COL5A2: variants seen among roughly 807,000 people sequenced by gnomAD.
The protein encoded by COL5A2 is collagen alpha-2(V) chain.
In COL5A2, 23 loss-of-function variants were observed where a neutral mutation model predicts 208.2. The ratio of observed to expected loss-of-function variants is 0.11; its 90% confidence interval spans 0.08 to 0.16. The LOEUF (loss-of-function observed/expected upper bound fraction) is 0.16. Ranked by LOEUF, COL5A2 falls within the 10% of genes least tolerant of loss-of-function variation. The pLI is 1.00. For synonymous variants in COL5A2, 625 were observed against 628.5 expected (o/e 0.99, Z 0.08); for missense variants, 1,590 against 1,956.4 (o/e 0.81, Z 3.53).
At chr2:189,110,840 G>T (rs1687245964) in intron 1 of COL5A2, among the ~76,000 whole-genome samples, 1 of 151,974 alleles carries the variant, frequency 6.6e-6, no homozygotes, top group African/African-American at 2.4e-5. Flanking sequence ...TTGAATGTTT[G>T]GTGAACCCTA....
chr2:189,395,444 A>C, the COL5A2 span, among the ~76,000 whole-genome samples: 1 of 152,216 alleles, frequency 6.6e-6, no homozygotes, highest in African/African-American at 2.4e-5. Flanking sequence ...ACAAGCTTCA[A>C]TAAGTTCCAT....
chr2:189,063,115 A>G (rs2105590590), intron 27 of COL5A2, 52 bp from the exon 28 acceptor site: 1 of 1,610,616 alleles, frequency 6.2e-7, no homozygotes, highest in South Asian at 1.1e-5. Flanking sequence ...TCAAAAACAT[A>G]CCTCCTCCAA....
chr2:189,175,544 C>T (rs867685272), intron 1 of COL5A2, among the ~76,000 whole-genome samples: 14 of 125,390 alleles, frequency 1.1e-4, no homozygotes, highest in African/African-American at 3.5e-4. Context: ...AAAAAGAAAA[C>T]TTTTTTTTTT....
At chr2:189,398,763 TTGATC>T in the COL5A2 span, among the ~76,000 whole-genome samples, 1 of 152,218 alleles carries the variant, frequency 6.6e-6, no homozygotes, top group South Asian at 2.1e-4. Flanking sequence ...AATGTAATGA[TTGATC>T]TGAGTTAAAT....
the COL5A2 span, among the ~76,000 whole-genome samples, chr2:189,397,957 T>C: frequency 6.6e-6 from 1 of 152,154 alleles, no homozygotes; most frequent in Non-Finnish European, 1.5e-5. Flanking sequence ...GGGCTTTATA[T>C]GCATTCCACA....
the COL5A2 span, among the ~76,000 whole-genome samples, chr2:189,339,841 G>A: frequency 1.3e-5 from 2 of 152,156 alleles, no homozygotes; most frequent in African/African-American, 4.8e-5. Flanking sequence ...AGGCCTGATG[G>A]TTGATTTTTC....
chr2:189,362,990 T>A, the COL5A2 span, among the ~76,000 whole-genome samples: 1 of 152,044 alleles, frequency 6.6e-6, no homozygotes, highest in South Asian at 2.1e-4. Flanking sequence ...CATAAGTTCC[T>A]AGACTATAAA....
chr2:189,420,500 C>T, the COL5A2 span, among the ~76,000 whole-genome samples: 3 of 151,916 alleles, frequency 2.0e-5, no homozygotes, highest in African/African-American at 4.8e-5. Context: ...TCTCCAATCT[C>T]GATTAATTGT....
the COL5A2 span, among the ~76,000 whole-genome samples, chr2:189,248,121 G>T: frequency 6.6e-6 from 1 of 152,202 alleles, no homozygotes; most frequent in African/African-American, 2.4e-5. Flanking sequence ...TTCATAAAAA[G>T]GGAAGGTAAG....
intron 29 of COL5A2, 61 bp from the exon 30 acceptor site, chr2:189,061,676 A>G (rs1025183068): frequency 3.7e-5 from 43 of 1,176,756 alleles, no homozygotes; most frequent in Non-Finnish European, 4.9e-5. Context: ...CTTCCTCTCT[A>G]CGTGAACCAC....
At chr2:189,104,123 G>A (rs988780775) in intron 3 of COL5A2, 141 bp downstream of exon 3, 4 of 706,496 alleles carry the variant, frequency 5.7e-6, no homozygotes, top group African/African-American at 3.5e-5. Flanking sequence ...GCTGAACTGT[G>A]CTTATATACT....
chr2:189,052,042 T>C, intron 41 of COL5A2, 130 bp downstream of exon 41: 1 of 706,960 alleles, frequency 1.4e-6, no homozygotes, highest in South Asian at 2.2e-5. Context: ...CATGCATTAT[T>C]GGAATAAGAG....
At chr2:189,290,869 G>A in the COL5A2 span, among the ~76,000 whole-genome samples, 87 of 152,102 alleles carry the variant, frequency 5.7e-4, no homozygotes, top group African/African-American at 2.0e-3. Flanking sequence ...ATCTCTGCTT[G>A]TAAGAAAGGA....
chr2:189,315,750 A>G, the COL5A2 span, among the ~76,000 whole-genome samples: 2 of 151,618 alleles, frequency 1.3e-5, no homozygotes, highest in Non-Finnish European at 2.9e-5. Context: ...ATACAAAATT[A>G]TTGTGTAAAA....
intron 1 of COL5A2, among the ~76,000 whole-genome samples, chr2:189,125,846 A>G (rs1319294301): frequency 1.3e-5 from 2 of 152,042 alleles, no homozygotes; most frequent in Non-Finnish European, 2.9e-5. Flanking sequence ...ATTGTTTGAG[A>G]GACAACTGTA....
At chr2:189,141,462 T>C (rs1431949313) in intron 1 of COL5A2, among the ~76,000 whole-genome samples, 2 of 152,166 alleles carry the variant, frequency 1.3e-5, no homozygotes, top group Non-Finnish European at 1.5e-5. Flanking sequence ...TCTTTGCAGA[T>C]GCATTCTTTC....
intron 1 of COL5A2, among the ~76,000 whole-genome samples, chr2:189,137,899 T>C (rs559952177): frequency 6.6e-6 from 1 of 152,316 alleles, no homozygotes; most frequent in East Asian, 1.9e-4. Flanking sequence ...AATGATGTAA[T>C]TCTAATAGTT....
At chr2:189,382,205 A>C in the COL5A2 span, among the ~76,000 whole-genome samples, 1 of 152,130 alleles carries the variant, frequency 6.6e-6, no homozygotes, top group Non-Finnish European at 1.5e-5. Context: ...TATACAGCTC[A>C]GTGTTTCTAT....
chr2:189,391,949 A>G, the COL5A2 span, among the ~76,000 whole-genome samples: 5 of 152,088 alleles, frequency 3.3e-5, no homozygotes, highest in Non-Finnish European at 7.4e-5. Flanking sequence ...TGGTGTTTCT[A>G]TTAGGGAACT....
Sources: allele counts gnomAD v4.1 joint callset (sites outside exome capture counted in the v4.1 genomes callset), GRCh38; gene constraint gnomAD v4.1.1; transcripts MANE v1.5; gene names NCBI Gene and HGNC (gene_info 2026-07-23, HGNC 2026-07-21).